The following RAB8A variants were observed in gnomAD, a reference collection of about 807,000 sequenced individuals.
RAB8A encodes the protein RAB8A, member RAS oncogene family, also known as ras-related protein Rab-8A.
A neutral mutation model predicts 29.2 loss-of-function variants in RAB8A; 5 were observed. The ratio of observed to expected loss-of-function variants is 0.17; its 90% CI spans 0.09 to 0.36. RAB8A has a LOEUF of 0.36. Among genes scored for constraint, RAB8A ranks in the 10% least tolerant of loss-of-function variants. RAB8A has a pLI of 1.00. For synonymous variants in RAB8A, 108 were observed against 99.9 expected (o/e 1.08, Z -0.49); for missense variants, 171 against 272.2 (o/e 0.63, Z 2.62).
intron 1 of RAB8A, chr19:16,112,468 TCA>T (rs1466493137): frequency 5.5e-6 from 1 of 180,980 alleles, no homozygotes; most frequent in African/African-American, 2.4e-5. Context: ...ACGTGCATTT[TCA>T]CACTCTTCAG....
intron 1 of RAB8A, among the ~76,000 whole-genome samples, chr19:16,113,949 C>G (rs546302198): frequency 6.6e-6 from 1 of 152,062 alleles, no homozygotes; most frequent in African/African-American, 2.4e-5. Context: ...ATGAATGGCT[C>G]CTGCAGTGAC....
chr19:16,132,415 G>A lies in RAB8A; in HGVS notation c.*111G>A, dbSNP rs138487236. The A allele has an allele frequency of 4.3e-3, 4,112 of 954,818 alleles. 20 individuals are homozygous for A. Among genetic ancestry groups the A allele is most frequent in the Non-Finnish European group, 5.6e-3 (3,563 of 634,430 alleles). The allele number at this position is 954,818 out of a possible 1,614,324, so 59.1% of individuals were successfully genotyped here. A position where few individuals can be genotyped will look rare whatever the true frequency, so the allele number is the denominator to read the frequency against. Reference sequence around the variant, plus strand: ...ACCTCCAACGCCCCGCCCACGCCGCGGCCACCGGGCCCACGGCCACCAGAA... The same window carrying A: ...ACCTCCAACGCCCCGCCCACGCCGCAGCCACCGGGCCCACGGCCACCAGAA... On this transcript the variant is annotated 3_prime_UTR_variant, in exon 8 of 8. Coordinates refer to ENST00000300935, the MANE Select transcript of RAB8A (RefSeq NM_005370.5). The surrounding 1 kb of genome is among the most constrained non-coding windows in gnomAD (Gnocchi z 5.6).
At chr19:16,129,965 T>A (rs769071717) in intron 7 of RAB8A, among the ~76,000 whole-genome samples, 2 of 152,274 alleles carry the variant, frequency 1.3e-5, no homozygotes, top group Non-Finnish European at 2.9e-5. Context: ...CCAGGGCTGG[T>A]GTCTGATAAC....
Position 16,127,609 on chromosome 19 carries a change from C to T in RAB8A, c.414+83C>T. ...GGCCTTCCCCTGTCCCTCCTCTGCC[C>T]CAGGGGCCTGAGACGAGTTGGTCAC... On this transcript the variant is annotated intron_variant, in intron 5 of 7. Coordinates refer to ENST00000300935, the MANE Select transcript of RAB8A (RefSeq NM_005370.5). This position sits in a 1 kb window ranked among gnomAD's most constrained non-coding sequence, Gnocchi z 4.8. 1 of 1,145,592 alleles carries T rather than the reference C, an allele frequency of 8.7e-7. No homozygotes were observed. The highest frequency in any genetic ancestry group is 1.2e-6 in the Non-Finnish European group (1 of 831,878). 71.0% of individuals were successfully genotyped at this position (1,145,592 alleles called of 1,614,324 possible). A position where few individuals can be genotyped will look rare whatever the true frequency, so the allele number is the denominator to read the frequency against.
chr19:16,124,779 G>T (rs139607105), intron 3 of RAB8A: 5 of 131,914 alleles, frequency 3.8e-5, no homozygotes, highest in Non-Finnish European at 6.1e-5. Context: ...CCCTTGCATC[G>T]CATGGGCATG....
chr19:16,133,618 G>A lies in RAB8A; in HGVS notation c.*1314G>A, dbSNP rs1422988656. On this transcript the variant is annotated 3_prime_UTR_variant, in exon 8 of 8. Transcript: ENST00000300935. ...ACTTAAGGAAAACAAACAAATTAAA[G>A]CTCATCTTAAAGTCCAAGGATTTTT... is the stretch of plus-strand genomic sequence containing the variant. 6.5e-6 allele frequency: 1 copy of A among 152,672 alleles called. No individual in the cohort carries two copies. Among genetic ancestry groups the A allele is most frequent in the Admixed American group, 6.6e-5 (1 of 15,262 alleles). The allele number at this position is 152,672 out of a possible 1,614,324, so 9.5% of individuals were successfully genotyped here.
chr19:16,120,001 C>T (rs112907161), intron 2 of RAB8A, among the ~76,000 whole-genome samples: 3,446 of 151,978 alleles, frequency 0.023, 148 homozygotes, highest in African/African-American at 0.079. Flanking sequence ...TTAGTAGAGA[C>T]GGGGTTTCGC....
chr19:16,124,281 G>T, intron 3 of RAB8A: 1 of 152,380 alleles, frequency 6.6e-6, no homozygotes, highest in Non-Finnish European at 1.5e-5. Flanking sequence ...TGGGGTTGCA[G>T]TGACTTTCTT....
chr19:16,120,632 A>G (rs1279290963), intron 2 of RAB8A, among the ~76,000 whole-genome samples: 1 of 139,754 alleles, frequency 7.2e-6, no homozygotes, highest in African/African-American at 2.7e-5. Flanking sequence ...TTTTCCTGAG[A>G]CAGAGTCTTA....
intron 1 of RAB8A, among the ~76,000 whole-genome samples, chr19:16,114,679 C>T (rs573974070): frequency 2.6e-5 from 4 of 151,782 alleles, no homozygotes; most frequent in South Asian, 2.1e-4. Flanking sequence ...TGAGCCACCG[C>T]GCCCAGCCCA....
At position 16,122,833 on chromosome 19, in the gene RAB8A, A is replaced by G. The variant is rs2090881028; in HGVS notation, c.246+1023A>G. Among the ~76,000 whole-genome samples the G allele has an allele frequency of 1.3e-5, 2 of 151,800 alleles. No homozygotes were observed. The highest frequency in any genetic ancestry group is 4.8e-5 in the African/African-American group (2 of 41,320). The stretch of plus-strand genomic sequence containing the variant: ...TAGTGTGCCTCAGTAAAATTAATGT[A>G]TTTCTTTCCCCCCACCTCACAGTTC... On this transcript the variant is annotated intron_variant, in intron 3 of 7. Transcript: ENST00000300935. This position sits in a 1 kb window ranked among gnomAD's most constrained non-coding sequence, Gnocchi z 4.7.
intron 7 of RAB8A, among the ~76,000 whole-genome samples, chr19:16,130,085 G>C (rs2090918595): frequency 6.6e-6 from 1 of 151,964 alleles, no homozygotes; most frequent in African/African-American, 2.4e-5. Flanking sequence ...TTGTGTCCCA[G>C]GGTTCTCTGA....
chr19:16,124,139 A>G lies in RAB8A; in HGVS notation c.247-1331A>G, dbSNP rs1034965295. The stretch of plus-strand genomic sequence containing the variant: ...CACGCCCCCTGTCCCTGACCATGTC[A>G]CAGTCACAGGGTGTGCCCACCGTGG... On this transcript the variant is annotated intron_variant, in intron 3 of 7. Coordinates refer to ENST00000300935, the MANE Select transcript of RAB8A (RefSeq NM_005370.5). 3 of 152,340 alleles carry G rather than the reference A, an allele frequency of 2.0e-5. No individual in the cohort carries two copies. The East Asian group carries it at 5.8e-4, about 29-fold the overall frequency. The allele number at this position is 152,340 out of a possible 1,614,324, so 9.4% of individuals were successfully genotyped here. A position where few individuals can be genotyped will look rare whatever the true frequency, so the allele number is the denominator to read the frequency against.
chr19:16,117,691 G>A (rs2090852496), intron 1 of RAB8A, among the ~76,000 whole-genome samples: 1 of 149,964 alleles, frequency 6.7e-6, no homozygotes, highest in African/African-American at 2.4e-5. Context: ...AGGCTTGTTA[G>A]GAGGTGATCT....
Position 16,125,521 on chromosome 19 carries a change from C to T in RAB8A, c.298C>T (p.Arg100Trp), listed in dbSNP as rs967148175. Residue 100 changes from arginine (R) to tryptophan (W), a missense_variant, in exon 4 of 8, where the codon CGG (arginine) becomes TGG (tryptophan). By Grantham distance (101) the Arg-to-Trp change is moderately radical (BLOSUM62 -3). Around this residue, in one of 3 missense-constraint regions of RAB8A, gnomAD observed 145 missense variants for 212.8 expected, o/e 0.68. Transcript: ENST00000300935. The surrounding 1 kb of genome is among the most constrained non-coding windows in gnomAD (Gnocchi z 5.0). ...CAACGAGAAGTCCTTCGACAACATC[C>T]GGAACTGGATTCGCAACATTGAGGA... is the stretch of plus-strand genomic sequence containing the variant. ...ITNEKSFDNIRNWIRNIEEHA... is the reference protein window; with the variant it reads ...ITNEKSFDNIWNWIRNIEEHA... 6 of 1,613,962 alleles carry T rather than the reference C, an allele frequency of 3.7e-6. No homozygotes were observed. Among genetic ancestry groups the T allele is most frequent in the African/African-American group, 2.7e-5 (2 of 74,914 alleles).
At position 16,122,173 on chromosome 19, in the gene RAB8A, C is replaced by G. The variant is rs2090878228; in HGVS notation, c.246+363C>G. On this transcript the variant is annotated intron_variant, in intron 3 of 7. Transcript: ENST00000300935. The surrounding 1 kb of genome is among the most constrained non-coding windows in gnomAD (Gnocchi z 4.7). ...TGCATCTGTCTCTGAAATTTGCTAC[C>G]AAAAGCTTGAAGATCTTCCAGGAGC... is the stretch of plus-strand genomic sequence containing the variant. 1 of 200,024 alleles carries G rather than the reference C, an allele frequency of 5.0e-6. No homozygotes were observed. The highest frequency in any genetic ancestry group is 2.3e-5 in the African/African-American group (1 of 43,712). The allele number at this position is 200,024 out of a possible 1,614,324, so 12.4% of individuals were successfully genotyped here. A position where few individuals can be genotyped will look rare whatever the true frequency, so the allele number is the denominator to read the frequency against.
chr19:16,121,837 T>TA lies in RAB8A; in HGVS notation c.246+28dup, dbSNP rs565195254. 3.3e-3 allele frequency: 5,214 copies of TA among 1,596,066 alleles called. 9 individuals are homozygous for TA. Among genetic ancestry groups the TA allele is most frequent in the Non-Finnish European group, 4.0e-3 (4,668 of 1,163,750 alleles). On this transcript the variant is annotated intron_variant, in intron 3 of 7. Transcript: ENST00000300935. ...TAGGGACTTTTTGTTTGGTTGTTTT[T>TA]ATCTGCTTTTTAAGTCAACATGGGA...
Position 16,129,615 on chromosome 19 carries a change from G to T in RAB8A, c.531+11G>T, listed in dbSNP as rs922207852. 1.2e-6 allele frequency: 2 copies of T among 1,613,310 alleles called. No homozygotes were observed. The highest frequency in any genetic ancestry group is 1.7e-6 in the Non-Finnish European group (2 of 1,179,576). ...ATGGACAAAAAATTGGTGAGTGTGT[G>T]TCCTTCCGAGATCCCCGGGTGGATC... On this transcript the variant is annotated intron_variant, in intron 7 of 7. Transcript: ENST00000300935.
chr19:16,119,316 C>T (rs2144987185), intron 2 of RAB8A, among the ~76,000 whole-genome samples: 1 of 152,264 alleles, frequency 6.6e-6, no homozygotes, highest in Non-Finnish European at 1.5e-5. Context: ...AGTGATTCTC[C>T]TGCCTCAGCC....
Sources: gnomAD v4.1 joint callset for allele counts (sites outside exome capture counted in the v4.1 genomes callset) on GRCh38, gnomAD v4.1.1 for gene constraint, gnomAD v4.1.1 regional missense constraint, Gnocchi (gnomAD v3.1) non-coding constraint, MANE v1.5 for transcripts, NCBI Gene and HGNC (gene_info 2026-07-23, HGNC 2026-07-21) for gene names.